CFAP97: variants seen among roughly 807,000 people sequenced by gnomAD.
CFAP97 encodes the protein cilia- and flagella-associated protein 97.
CFAP97 carries 36 observed loss-of-function variants against 43.1 expected under a neutral mutation model. The observed-to-expected ratio is 0.84, with a 90% confidence interval of 0.64 to 1.10. The LOEUF (loss-of-function observed/expected upper bound fraction) is 1.10, where lower values mean the gene tolerates loss of function less well. CFAP97 is among the 50% of genes least tolerant of loss of function. The pLI is 0.00. For synonymous variants in CFAP97, 228 were observed against 225.7 expected, an observed-to-expected ratio of 1.01 and a Z score of -0.09; for missense variants, 657 against 620.3, an observed-to-expected ratio of 1.06 and a Z score of -0.63.
At chr4:185,203,076 T>G (rs576882567) in intron 1 of CFAP97, among the ~76,000 whole-genome samples, 46 of 152,298 alleles carry the variant, frequency 3.0e-4, no homozygotes, top group African/African-American at 1.1e-3. Flanking sequence ...GGCTCACGCC[T>G]GTAATCCCCG....
rs1734812486 is a variant in CFAP97, at chr4:185,159,785, T to C, written c.*3013A>G. The C allele has an allele frequency of 1.3e-5, 2 of 152,248 alleles. No individual in the cohort carries two copies. The highest frequency in any genetic ancestry group is 2.4e-5 in the African/African-American group (1 of 41,468). 9.4% of individuals were successfully genotyped at this position (152,248 alleles called of 1,614,324 possible). On this transcript the variant is annotated 3_prime_UTR_variant, in exon 5 of 5. Transcript: ENST00000458385. Reference sequence around the variant, plus strand: ...TTAATTTTAAGTTTCTTACTAATCTTTCCTCATAGAAATAAAGAAGCCATA... The same window carrying C: ...TTAATTTTAAGTTTCTTACTAATCTCTCCTCATAGAAATAAAGAAGCCATA...
Position 185,190,162 on chromosome 4 carries a change from A to G in CFAP97, c.1035T>C (p.Asp345=), listed in dbSNP as rs1736167437. Reference sequence around the variant, plus strand: ...AATTACCTTTCAAGAGATGATTCAGATCCATTGTGTCATGTAAGACTTTCT... The same window carrying G: ...AATTACCTTTCAAGAGATGATTCAGGTCCATTGTGTCATGTAAGACTTTCT... ...HKQKVLHDTM[D]LNHLLKAFLQ... The change falls in exon 2 of 5, where the codon GAT becomes GAC. Residue 345 remains aspartate (D), a synonymous_variant. Transcript: ENST00000458385. 6.4e-7 allele frequency: 1 copy of G among 1,572,786 alleles called. No homozygotes were observed. Among genetic ancestry groups the G allele is most frequent in the Non-Finnish European group, 8.6e-7 (1 of 1,160,968 alleles).
intron 1 of CFAP97, among the ~76,000 whole-genome samples, chr4:185,191,814 G>C (rs1349475461): frequency 1.3e-5 from 2 of 152,024 alleles, no homozygotes; most frequent in Non-Finnish European, 2.9e-5. Flanking sequence ...TGGCGACAGA[G>C]CAAGACTCCA....
At chr4:185,179,878 T>C (rs1209701969) in intron 2 of CFAP97, among the ~76,000 whole-genome samples, 1 of 152,210 alleles carries the variant, frequency 6.6e-6, no homozygotes, top group Admixed American at 6.5e-5. Context: ...AATGCTTCCA[T>C]GGTGATGTGG....
chr4:185,199,829 AGAC>A (rs1187674271), intron 1 of CFAP97, among the ~76,000 whole-genome samples: 1 of 111,250 alleles, frequency 9.0e-6, no homozygotes, highest in African/African-American at 3.0e-5. Flanking sequence ...TCGACTGCTC[AGAC>A]AAAAAATTCA....
chr4:185,168,717 A>AC (rs1441157148), intron 3 of CFAP97, among the ~76,000 whole-genome samples: 2 of 152,106 alleles, frequency 1.3e-5, no homozygotes, highest in African/African-American at 4.8e-5. Context: ...ACATGGCGAA[A>AC]CCCCATCTCT....
intron 1 of CFAP97, among the ~76,000 whole-genome samples, chr4:185,192,665 A>G (rs965226215): frequency 1.3e-5 from 2 of 150,696 alleles, no homozygotes; most frequent in African/African-American, 2.4e-5. Flanking sequence ...GCTGTGTTAC[A>G]TTATCTATTA....
At chr4:185,196,641 TTCATCAAAAGGTAATGTACTATGATAC>T (rs1379272549) in intron 1 of CFAP97, among the ~76,000 whole-genome samples, 1 of 152,106 alleles carries the variant, frequency 6.6e-6, no homozygotes, top group Non-Finnish European at 1.5e-5. Flanking sequence ...ATAAAAAGCT[TTCATCAAAAGGTAATGTACTATGATAC>T]ATAAAGATGG....
chr4:185,166,230 T>C (rs913347422), intron 3 of CFAP97, among the ~76,000 whole-genome samples: 1 of 152,224 alleles, frequency 6.6e-6, no homozygotes, highest in Non-Finnish European at 1.5e-5. Context: ...ATCCTCTTTC[T>C]TGCATTGTGG....
intron 1 of CFAP97, among the ~76,000 whole-genome samples, chr4:185,197,244 C>T (rs1291155124): frequency 6.6e-6 from 1 of 151,330 alleles, no homozygotes; most frequent in East Asian, 1.9e-4. Flanking sequence ...ATGAAGAGAT[C>T]TTAAACATAA....
Position 185,190,861 on chromosome 4 carries a change from T to C in CFAP97, c.336A>G (p.Ile112Met), listed in dbSNP as rs1395312226. Residue 112 changes from isoleucine (I) to methionine (M), a missense_variant, in exon 2 of 5, where the codon ATA becomes ATG. By Grantham distance (10) the Ile-to-Met change is conservative. Coordinates refer to ENST00000458385, the MANE Select transcript of CFAP97 (RefSeq NM_020827.3). ...GAATTCTATTTGGAATGGACACGTG[T>C]ATTTTAAGTCCTGTTGTAACATCAC... is the stretch of plus-strand genomic sequence containing the variant. ...KLCDVTTGLK[I>M]HVSIPNRIPK... 3 of 1,612,004 alleles carry C rather than the reference T, an allele frequency of 1.9e-6. No individual in the cohort carries two copies. In the South Asian group the frequency reaches 3.3e-5, roughly 18 times the overall value.
At chr4:185,205,494 C>G (rs961016345), upstream of CFAP97, among the ~76,000 whole-genome samples, 29 of 151,726 alleles carry the variant, frequency 1.9e-4, no homozygotes, top group African/African-American at 7.0e-4. Flanking sequence ...TTTTAAAGTG[C>G]TTAATAAAAC....
chr4:185,169,570 T>C (rs1027836579), intron 3 of CFAP97: 21 of 970,618 alleles, frequency 2.2e-5, no homozygotes, highest in Non-Finnish European at 2.6e-5. Context: ...ACTAATACAC[T>C]TGTCCAAACA....
At chr4:185,172,212 TGCTAATAAGCTAG>T (rs1174530028) in intron 3 of CFAP97, among the ~76,000 whole-genome samples, 1 of 152,252 alleles carries the variant, frequency 6.6e-6, no homozygotes, top group Admixed American at 6.5e-5. Context: ...ATTTAAAATT[TGCTAATAAGCTAG>T]GCTAATAAGC....
chr4:185,169,188 T>C (rs528377616), intron 3 of CFAP97: 1 of 152,308 alleles, frequency 6.6e-6, no homozygotes, highest in South Asian at 2.1e-4. Context: ...TTAACAATAC[T>C]GTGTTATATA....
rs564838708 is a variant in CFAP97, at chr4:185,186,180, C to T, written c.1054+3963G>A. ...AGGCGAGGTGGTACACACCTGTAAT[C>T]CCAGCACTTTGAGAGGCCGAAGCAG... On this transcript the variant is annotated intron_variant, in intron 2 of 4. Coordinates refer to ENST00000458385, the MANE Select transcript of CFAP97 (RefSeq NM_020827.3). 4.6e-5 allele frequency among the ~76,000 whole-genome samples: 7 copies of T among 152,298 alleles called. No individual in the cohort carries two copies. In the South Asian group the frequency reaches 1.5e-3, roughly 32 times the overall value.
chr4:185,194,489 C>CA (rs1273057231), intron 1 of CFAP97, among the ~76,000 whole-genome samples: 1 of 151,450 alleles, frequency 6.6e-6, no homozygotes, highest in African/African-American at 2.4e-5. Context: ...GACTCCATCT[C>CA]AAAAAAAAGA....
chr4:185,178,867 G>A (rs1735665922), intron 2 of CFAP97, among the ~76,000 whole-genome samples: 1 of 152,114 alleles, frequency 6.6e-6, no homozygotes, highest in Admixed American at 6.6e-5. Flanking sequence ...CCCTGTGCTT[G>A]CGGTGTTAAG....
Position 185,209,199 on chromosome 4 carries a change from G to C in CFAP97, c.-74+126C>G, listed in dbSNP as rs918225087. 3 of 152,208 alleles carry C rather than the reference G, an allele frequency of 2.0e-5. No individual in the cohort carries two copies. The East Asian group carries it at 5.8e-4, about 29-fold the overall frequency. The allele number at this position is 152,208 out of a possible 1,614,324, so 9.4% of individuals were successfully genotyped here. On this transcript the variant is annotated intron_variant, in intron 1 of 2. Coordinates refer to the CFAP97 transcript ENST00000503223. The surrounding 1 kb of genome is among the most constrained non-coding windows in gnomAD (Gnocchi z 5.2). Reference sequence around the variant, plus strand: ...GGAAGGTCGTTAGAAACTGTGACAGGGAGTCTCGGGAACGGTTGCCTATTT... The same window carrying C: ...GGAAGGTCGTTAGAAACTGTGACAGCGAGTCTCGGGAACGGTTGCCTATTT...
Sources: gnomAD v4.1 joint callset for allele counts (sites outside exome capture counted in the v4.1 genomes callset) on GRCh38, gnomAD v4.1.1 for gene constraint, Gnocchi (gnomAD v3.1) non-coding constraint, MANE v1.5 for transcripts, NCBI Gene and HGNC (gene_info 2026-07-23, HGNC 2026-07-21) for gene names.